The following FBXL17 variants were observed in gnomAD, a reference collection of about 807,000 sequenced individuals.
FBXL17 encodes the protein F-box/LRR-repeat protein 17.
A neutral mutation model predicts 66.2 loss-of-function variants in FBXL17; 22 were observed. That is an observed-to-expected ratio of 0.33 (90% CI 0.24 to 0.47). The LOEUF (loss-of-function observed/expected upper bound fraction) is 0.47, where lower values mean the gene tolerates loss of function less well. FBXL17 is among the 20% of genes least tolerant of loss of function. The probability of loss-of-function intolerance (pLI) is 1.00; values close to 1 mark genes in which losing one functional copy is unlikely to be tolerated. For missense variants in FBXL17, 878 were observed against 948.2 expected (o/e 0.93, Z 0.97); for synonymous variants, 474 against 400.5 (o/e 1.18, Z -2.19).
chr5:108,170,138 T>A (rs1402705129), intron 6 of FBXL17, among the ~76,000 whole-genome samples: 1 of 152,146 alleles, frequency 6.6e-6, no homozygotes. Flanking sequence ...GGTAATTTAT[T>A]AATGAAAAAA....
At chr5:107,918,091 G>A (rs970466080) in intron 7 of FBXL17, among the ~76,000 whole-genome samples, 2 of 152,156 alleles carry the variant, frequency 1.3e-5, no homozygotes, top group Admixed American at 1.3e-4. Flanking sequence ...ATTCCTTGCT[G>A]AGGAAGACTT....
chr5:107,939,257 C>T (rs2112586623), intron 7 of FBXL17, among the ~76,000 whole-genome samples: 1 of 152,180 alleles, frequency 6.6e-6, no homozygotes, highest in East Asian at 1.9e-4. Context: ...ATGTTTACAG[C>T]TCCATTATTT....
At position 108,240,544 on chromosome 5, in the gene FBXL17, T is replaced by C. The variant is rs576202464; in HGVS notation, c.1507-16316A>G. ...GGGTACCAGCTCAACCACAGTAGAA[T>C]AGAACACCAAGTAGGTTCCTAAGGT... On this transcript the variant is annotated intron_variant, in intron 4 of 8. Coordinates refer to ENST00000542267, the MANE Select transcript of FBXL17 (RefSeq NM_001163315.3). Among the ~76,000 whole-genome samples the C allele has an allele frequency of 2.4e-4, 37 of 152,260 alleles. 1 individual carries two copies. Among genetic ancestry groups the C allele is most frequent in the East Asian group, 2.1e-3 (11 of 5,176 alleles).
rs145456264 is a variant in FBXL17 at position 108,100,486 on chromosome 5, A to G, written c.1746-79485T>C. ...AAAATTATGTTGTTATTATGTAAGT[A>G]TTTCAACATGTATTTCTAAAAGATC... is the stretch of plus-strand genomic sequence containing the variant. On this transcript the variant is annotated intron_variant, in intron 6 of 8. Coordinates refer to ENST00000542267, the MANE Select transcript of FBXL17 (RefSeq NM_001163315.3). 6.6e-5 allele frequency among the ~76,000 whole-genome samples: 10 copies of G among 152,288 alleles called. No homozygotes were observed. In the East Asian group the frequency reaches 1.5e-3, roughly 23 times the overall value.
At chr5:108,124,521 C>A (rs745498401) in intron 6 of FBXL17, among the ~76,000 whole-genome samples, 22 of 152,110 alleles carry the variant, frequency 1.4e-4, no homozygotes, top group Non-Finnish European at 2.9e-4. Context: ...TAATTACAGG[C>A]ATTTAAGCCC....
intron 4 of FBXL17, among the ~76,000 whole-genome samples, chr5:108,268,214 A>C (rs1407215305): frequency 3.3e-5 from 5 of 152,096 alleles, no homozygotes; most frequent in African/African-American, 1.2e-4. Context: ...AATAAATCAT[A>C]AGTAAGTGAC....
At chr5:108,250,130 T>A (rs1756280245) in intron 4 of FBXL17, among the ~76,000 whole-genome samples, 1 of 152,154 alleles carries the variant, frequency 6.6e-6, no homozygotes, top group Admixed American at 6.6e-5. Context: ...GCACTGCAAC[T>A]GCTACCAATC....
intron 6 of FBXL17, among the ~76,000 whole-genome samples, chr5:108,142,107 T>G (rs1751372379): frequency 6.6e-6 from 1 of 152,254 alleles, no homozygotes; most frequent in African/African-American, 2.4e-5. Context: ...ACTAGCAGAA[T>G]AAGAAGATAA....
chr5:108,271,721 C>T (rs1031543610), intron 4 of FBXL17, among the ~76,000 whole-genome samples: 2 of 152,158 alleles, frequency 1.3e-5, no homozygotes, highest in Non-Finnish European at 2.9e-5. Context: ...TTTGTAACAT[C>T]TTAATGTTCA....
At chr5:108,278,632 C>A (rs1233450782) in intron 4 of FBXL17, among the ~76,000 whole-genome samples, 1 of 152,196 alleles carries the variant, frequency 6.6e-6, no homozygotes, top group Non-Finnish European at 1.5e-5. Context: ...ATAGAACAGC[C>A]AGGTCAGCTG....
At chr5:107,871,913 TA>T (rs1378177902) in intron 8 of FBXL17, among the ~76,000 whole-genome samples, 1 of 152,184 alleles carries the variant, frequency 6.6e-6, no homozygotes, top group Non-Finnish European at 1.5e-5. Context: ...CTCTCTGAAC[TA>T]AAAGTCTGTT....
At chr5:107,900,206 C>CTT (rs1749526944) in intron 7 of FBXL17, among the ~76,000 whole-genome samples, 1 of 152,072 alleles carries the variant, frequency 6.6e-6, no homozygotes, top group Admixed American at 6.5e-5. Flanking sequence ...TTCAGTTGGT[C>CTT]TTTTAGTAAG....
chr5:108,005,067 T>C (rs1753871923), intron 7 of FBXL17, among the ~76,000 whole-genome samples: 1 of 151,650 alleles, frequency 6.6e-6, no homozygotes, highest in Non-Finnish European at 1.5e-5. Context: ...GCAAAGCAAA[T>C]TGCTAGAGTG....
intron 6 of FBXL17, among the ~76,000 whole-genome samples, chr5:108,174,972 C>T (rs1038982486): frequency 6.6e-6 from 1 of 152,178 alleles, no homozygotes; most frequent in African/African-American, 2.4e-5. Flanking sequence ...TAATACATAA[C>T]GCAAGCTCTA....
chr5:108,087,426 T>C (rs1749014848), intron 6 of FBXL17, among the ~76,000 whole-genome samples: 1 of 151,936 alleles, frequency 6.6e-6, no homozygotes, highest in Non-Finnish European at 1.5e-5. Flanking sequence ...TAAACATCCA[T>C]CCATGTCAAC....
At chr5:108,282,911 AAC>A (rs1757756415) in intron 4 of FBXL17, among the ~76,000 whole-genome samples, 1 of 148,510 alleles carries the variant, frequency 6.7e-6, no homozygotes, top group African/African-American at 2.5e-5. Context: ...TTATAATAGC[AAC>A]AAAAAAAAAA....
At chr5:108,041,621 T>G (rs1413724432) in intron 6 of FBXL17, among the ~76,000 whole-genome samples, 1 of 152,102 alleles carries the variant, frequency 6.6e-6, no homozygotes, top group East Asian at 1.9e-4. Context: ...TCTCACTATG[T>G]TGGCCAGGGT....
At chr5:108,300,488 T>C (rs989763065) in intron 4 of FBXL17, among the ~76,000 whole-genome samples, 4 of 151,894 alleles carry the variant, frequency 2.6e-5, no homozygotes, top group Non-Finnish European at 5.9e-5. Flanking sequence ...TTATCTATGG[T>C]ATTGTTTGGA....
intron 5 of FBXL17, among the ~76,000 whole-genome samples, chr5:108,188,224 C>G (rs1308379816): frequency 6.6e-6 from 1 of 152,154 alleles, no homozygotes; most frequent in Admixed American, 6.5e-5. Context: ...CATAGAGTCA[C>G]TACTCAATGC....
Sources: allele counts gnomAD v4.1 joint callset (sites outside exome capture counted in the v4.1 genomes callset), GRCh38; gene constraint gnomAD v4.1.1; transcripts MANE v1.5; gene names NCBI Gene and HGNC (gene_info 2026-07-23, HGNC 2026-07-21).